SLC9A2: variants seen among roughly 807,000 people sequenced by gnomAD.
The protein encoded by SLC9A2 is sodium/hydrogen exchanger 2.
SLC9A2 carries 42 observed loss-of-function variants against 71.7 expected under a neutral mutation model. That is an observed-to-expected ratio of 0.59 (90% CI 0.46 to 0.76). SLC9A2 has a LOEUF of 0.76. SLC9A2 is among the 30% of genes least tolerant of loss of function. SLC9A2 has a pLI of 0.00. For synonymous variants in SLC9A2, 396 were observed against 392.5 expected (o/e 1.01, Z -0.10); for missense variants, 829 against 1,017.4 (o/e 0.81, Z 2.52).
intron 3 of SLC9A2, 100 bp downstream of exon 3, chr2:102,665,450 A>T: frequency 4.8e-6 from 6 of 1,247,824 alleles, no homozygotes; most frequent in Non-Finnish European, 6.7e-6. Context: ...ATGAAACACT[A>T]GGTTTTCTTA....
At chr2:102,660,887 G>A (rs1214224988) in intron 2 of SLC9A2, among the ~76,000 whole-genome samples, 1 of 152,226 alleles carries the variant, frequency 6.6e-6, no homozygotes, top group Non-Finnish European at 1.5e-5. Flanking sequence ...AAAATTCATT[G>A]TCACAGTATA....
At chr2:102,635,040 G>C (rs1039897018) in intron 1 of SLC9A2, among the ~76,000 whole-genome samples, 1 of 152,156 alleles carries the variant, frequency 6.6e-6, no homozygotes, top group African/African-American at 2.4e-5. Context: ...GGCCTTTTGT[G>C]CTTTTTGTAC....
In SLC9A2 at chr2:102,688,589, A is replaced by G. The variant is rs555831286; in HGVS notation, c.1425+4253A>G. Among the ~76,000 whole-genome samples the G allele has an allele frequency of 2.6e-5, 4 of 152,198 alleles. No individual in the cohort carries two copies. The East Asian group carries it at 7.8e-4, about 30-fold the overall frequency. On this transcript the variant is annotated intron_variant, in intron 5 of 11. Transcript: ENST00000233969. ...CTAAAACTACAAAAATTAGCTGGGC[A>G]TGGTGGCACGTGCCTATAATCCCAG...
At chr2:102,681,440 T>G (rs904901334) in intron 3 of SLC9A2, among the ~76,000 whole-genome samples, 2 of 152,218 alleles carry the variant, frequency 1.3e-5, no homozygotes, top group African/African-American at 4.8e-5. Flanking sequence ...CACTGGAATC[T>G]TACATAATTG....
intron 3 of SLC9A2, among the ~76,000 whole-genome samples, chr2:102,679,162 A>AC (rs1677400983): frequency 6.6e-6 from 1 of 152,080 alleles, no homozygotes; most frequent in Non-Finnish European, 1.5e-5. Context: ...ACACTACCAG[A>AC]TACTAGGGTC....
intron 1 of SLC9A2, among the ~76,000 whole-genome samples, chr2:102,621,283 G>C (rs796974826): frequency 3.7e-4 from 55 of 149,970 alleles, no homozygotes; most frequent in African/African-American, 1.2e-3. Flanking sequence ...AGGAGGTTGC[G>C]GTTGCAGTGA....
chr2:102,653,465 C>G (rs1223328420), intron 1 of SLC9A2, among the ~76,000 whole-genome samples: 1 of 152,178 alleles, frequency 6.6e-6, no homozygotes, highest in Non-Finnish European at 1.5e-5. Context: ...TAACTGCATC[C>G]TGCATTTATT....
At chr2:102,646,433 A>G (rs1676724631) in intron 1 of SLC9A2, among the ~76,000 whole-genome samples, 1 of 152,194 alleles carries the variant, frequency 6.6e-6, no homozygotes, top group South Asian at 2.1e-4. Context: ...TGATGACAGG[A>G]TCAAATTCAC....
intron 3 of SLC9A2, among the ~76,000 whole-genome samples, chr2:102,681,295 C>T (rs939417863): frequency 6.0e-5 from 9 of 149,508 alleles, no homozygotes; most frequent in African/African-American, 2.0e-4. Flanking sequence ...TGGACTTAAA[C>T]GCCTGGGCCC....
chr2:102,667,285 TAA>T (rs1344290664), intron 3 of SLC9A2, among the ~76,000 whole-genome samples: 1 of 152,202 alleles, frequency 6.6e-6, no homozygotes, highest in African/African-American at 2.4e-5. Context: ...ACTAGGTCTC[TAA>T]AAAGAGTGTG....
intron 1 of SLC9A2, among the ~76,000 whole-genome samples, chr2:102,621,835 A>G (rs1676145157): frequency 6.6e-6 from 1 of 152,214 alleles, no homozygotes; most frequent in African/African-American, 2.4e-5. Flanking sequence ...ATTTTCCAGG[A>G]TGACCAGGAT....
chr2:102,700,213 G>T (rs574747545), intron 7 of SLC9A2, among the ~76,000 whole-genome samples: 33 of 152,312 alleles, frequency 2.2e-4, no homozygotes, highest in African/African-American at 7.9e-4. Flanking sequence ...ATATCCAACT[G>T]CAGATGTTGA....
intron 1 of SLC9A2, among the ~76,000 whole-genome samples, chr2:102,642,784 A>G (rs1051430688): frequency 6.6e-6 from 1 of 152,004 alleles, no homozygotes; most frequent in Non-Finnish European, 1.5e-5. Context: ...GGACCTGGAG[A>G]TTTTTTGGGG....
chr2:102,704,543 G>A lies in SLC9A2; in HGVS notation c.1846-1G>A. The A allele has an allele frequency of 6.2e-7, 1 of 1,611,764 alleles. No individual in the cohort carries two copies. Among genetic ancestry groups the A allele is most frequent in the East Asian group, 2.2e-5 (1 of 44,758 alleles). On this transcript the variant is annotated splice_acceptor_variant, in intron 9 of 11. Coordinates refer to ENST00000233969, the MANE Select transcript of SLC9A2 (RefSeq NM_003048.6). LOFTEE classifies it high-confidence loss of function. The stretch of plus-strand genomic sequence containing the variant: ...ATGTCCTCTATATGTTTTCATTCCA[G>A]ACTTTATCCTACAACAGACACAGTC...
intron 2 of SLC9A2, among the ~76,000 whole-genome samples, chr2:102,659,103 G>T (rs1408971712): frequency 6.6e-6 from 1 of 152,032 alleles, no homozygotes; most frequent in Non-Finnish European, 1.5e-5. Flanking sequence ...TCATTAAAAT[G>T]CCATTCCTGA....
intron 11 of SLC9A2, among the ~76,000 whole-genome samples, chr2:102,707,236 AC>A (rs1449272266): frequency 6.6e-6 from 1 of 151,596 alleles, no homozygotes; most frequent in Non-Finnish European, 1.5e-5. Flanking sequence ...CTGCACATGT[AC>A]CCCTAGAATC....
intron 3 of SLC9A2, among the ~76,000 whole-genome samples, chr2:102,670,043 T>A (rs1677216233): frequency 6.6e-6 from 1 of 150,878 alleles, no homozygotes; most frequent in Non-Finnish European, 1.5e-5. Flanking sequence ...TATTTTTTAT[T>A]TTTTTTGAGA....
intron 1 of SLC9A2, among the ~76,000 whole-genome samples, chr2:102,647,955 C>A (rs992696794): frequency 3.3e-5 from 5 of 152,084 alleles, no homozygotes; most frequent in Non-Finnish European, 7.4e-5. Flanking sequence ...TTATTCCAAA[C>A]AATAGAAAAA....
intron 1 of SLC9A2, among the ~76,000 whole-genome samples, chr2:102,624,610 C>T (rs1342837854): frequency 1.3e-5 from 2 of 152,162 alleles, no homozygotes; most frequent in African/African-American, 2.4e-5. Flanking sequence ...CTTCTTTGTC[C>T]TGGGGTTCCC....
Sources: allele counts gnomAD v4.1 joint callset (sites outside exome capture counted in the v4.1 genomes callset), GRCh38; gene constraint gnomAD v4.1.1; transcripts MANE v1.5; gene names NCBI Gene and HGNC (gene_info 2026-07-23, HGNC 2026-07-21).